The following CDH19 variants were observed in gnomAD, a reference collection of about 807,000 sequenced individuals.
CDH19 encodes cadherin 19, also known as cadherin-19.
A neutral mutation model predicts 64.2 loss-of-function variants in CDH19; 67 were observed. The ratio of observed to expected loss-of-function variants is 1.04; its 90% CI spans 0.86 to 1.28. CDH19 has a LOEUF of 1.28. CDH19 is among the 50% of genes most tolerant of loss of function. The pLI is 0.00. For missense variants in CDH19, 1,030 were observed against 929.0 expected (o/e 1.11, Z -1.41); for synonymous variants, 346 against 319.3 (o/e 1.08, Z -0.89).
At chr18:66,522,672 C>A (rs1313372381) in intron 9 of CDH19, among the ~76,000 whole-genome samples, 1 of 150,778 alleles carries the variant, frequency 6.6e-6, no homozygotes, top group Non-Finnish European at 1.5e-5. Context: ...ATTTTTTCTT[C>A]TTTTTGGTAT....
At chr18:66,524,542 G>GTGTGTATATATATA (rs74173408) in intron 9 of CDH19, among the ~76,000 whole-genome samples, 1 of 94,558 alleles carries the variant, frequency 1.1e-5, no homozygotes, top group East Asian at 3.0e-4. Flanking sequence ...ATGTTTGTGT[G>GTGTGTATATATATA]TATATATATA....
At chr18:66,537,158 T>A (rs1022634496) in intron 7 of CDH19, among the ~76,000 whole-genome samples, 1 of 151,924 alleles carries the variant, frequency 6.6e-6, no homozygotes, top group Non-Finnish European at 1.5e-5. Flanking sequence ...ATAGTTGGAT[T>A]TCACTGTTTT....
At chr18:66,524,667 A>C (rs1029417718) in intron 9 of CDH19, among the ~76,000 whole-genome samples, 2 of 151,696 alleles carry the variant, frequency 1.3e-5, no homozygotes, top group African/African-American at 4.8e-5. Flanking sequence ...AAGTGGAAAC[A>C]GTGAACTTTG....
At chr18:66,535,949 AAAAC>A (rs1205500772) in intron 7 of CDH19, among the ~76,000 whole-genome samples, 8 of 139,710 alleles carry the variant, frequency 5.7e-5, no homozygotes, top group Admixed American at 5.7e-4. Flanking sequence ...ACACACATAT[AAAAC>A]AAAAGTAAAA....
At chr18:66,592,809 C>T (rs1364846172) in intron 1 of CDH19, among the ~76,000 whole-genome samples, 1 of 151,630 alleles carries the variant, frequency 6.6e-6, no homozygotes, top group African/African-American at 2.4e-5. Flanking sequence ...TAGTTTTCTT[C>T]CATATATTGG....
At chr18:66,592,936 A>G (rs2144631511) in intron 1 of CDH19, among the ~76,000 whole-genome samples, 1 of 151,938 alleles carries the variant, frequency 6.6e-6, no homozygotes, top group East Asian at 1.9e-4. Context: ...TGAATCATAT[A>G]TTACTTCTAT....
intron 5 of CDH19, among the ~76,000 whole-genome samples, chr18:66,548,780 C>A (rs145794505): frequency 6.6e-6 from 1 of 152,184 alleles, no homozygotes; most frequent in Non-Finnish European, 1.5e-5. Context: ...TTAAATAAAT[C>A]TTCTCTAAAG....
intron 9 of CDH19, among the ~76,000 whole-genome samples, chr18:66,514,801 CAA>C (rs996628669): frequency 1.3e-5 from 2 of 151,278 alleles, no homozygotes; most frequent in Non-Finnish European, 1.5e-5. Flanking sequence ...TATCCTGAGC[CAA>C]AAATAAGCCC....
At chr18:66,509,590 T>C (rs1199335900) in intron 10 of CDH19, among the ~76,000 whole-genome samples, 1 of 151,798 alleles carries the variant, frequency 6.6e-6, no homozygotes, top group Non-Finnish European at 1.5e-5. Context: ...TTGACACATA[T>C]ATAAAACATA....
At chr18:66,545,786 C>T (rs473858) in intron 5 of CDH19, among the ~76,000 whole-genome samples, 95,077 of 151,848 alleles carry the variant, frequency 0.63, 30,888 homozygotes, top group African/African-American at 0.79. Context: ...TGCATTACAT[C>T]AGCCATCCTG....
At chr18:66,563,886 A>C (rs757499542) in intron 3 of CDH19, among the ~76,000 whole-genome samples, 51 of 152,032 alleles carry the variant, frequency 3.4e-4, no homozygotes, top group Non-Finnish European at 6.2e-4. Flanking sequence ...TGACACCTCT[A>C]CTTTTTATAA....
intron 1 of CDH19, among the ~76,000 whole-genome samples, chr18:66,578,940 A>C (rs1387952402): frequency 6.6e-6 from 1 of 151,988 alleles, no homozygotes; most frequent in Non-Finnish European, 1.5e-5. Context: ...TAAAACAATC[A>C]TAGTGACTGA....
rs2144582174 is a variant in CDH19, at chr18:66,572,216, T to G, written c.-12A>C. Reference sequence around the variant, plus strand: ...AAATAACAGTTCATTGCGTTGACTCTTTTGATTCCAACTATTACTCTTCAG... The same window carrying G: ...AAATAACAGTTCATTGCGTTGACTCGTTTGATTCCAACTATTACTCTTCAG... On this transcript the variant is annotated 5_prime_UTR_variant, in exon 2 of 12. Coordinates refer to ENST00000262150, the MANE Select transcript of CDH19 (RefSeq NM_021153.4). The G allele has an allele frequency of 6.2e-7, 1 of 1,601,630 alleles. No homozygotes were observed. The highest frequency in any genetic ancestry group is 1.1e-5 in the South Asian group (1 of 90,438).
intron 8 of CDH19, 37 bp downstream of exon 8, chr18:66,534,949 G>A (rs766315690): frequency 7.3e-7 from 1 of 1,373,432 alleles, no homozygotes; most frequent in African/African-American, 1.5e-5. Flanking sequence ...TACAAAATAT[G>A]GCAAACAACT....
In CDH19 at chr18:66,509,934, T is replaced by C. The variant is rs1340735538; in HGVS notation, c.1577-688A>G. On this transcript the variant is annotated intron_variant, in intron 10 of 11. Transcript: ENST00000262150. ...ATTCTGAAAATCATTACACTTAGAC[T>C]GATTCATTTACCTAGAGAGTCCATT... Among the ~76,000 whole-genome samples, 39 of 151,890 alleles carry C rather than the reference T, an allele frequency of 2.6e-4. 1 individual carries two copies. The highest frequency in any genetic ancestry group is 2.5e-3 in the Admixed American group (38 of 15,194).
chr18:66,568,150 C>A (rs1246114185), intron 3 of CDH19, among the ~76,000 whole-genome samples: 2 of 151,728 alleles, frequency 1.3e-5, no homozygotes, highest in African/African-American at 2.4e-5. Flanking sequence ...TGAACAAGGT[C>A]TAAAAACTTA....
intron 9 of CDH19, among the ~76,000 whole-genome samples, chr18:66,517,923 T>C (rs1985809598): frequency 6.6e-6 from 1 of 152,016 alleles, no homozygotes; most frequent in South Asian, 2.1e-4. Flanking sequence ...ATCATTTATT[T>C]GGAAGCACTG....
chr18:66,534,424 A>G (rs939935269), intron 8 of CDH19, among the ~76,000 whole-genome samples: 2 of 152,044 alleles, frequency 1.3e-5, no homozygotes, highest in Admixed American at 1.3e-4. Flanking sequence ...CAAAGAGTGA[A>G]GAAAGGAAAC....
intron 9 of CDH19, among the ~76,000 whole-genome samples, chr18:66,528,079 A>G (rs1436847613): frequency 1.3e-5 from 2 of 151,840 alleles, no homozygotes; most frequent in African/African-American, 4.8e-5. Context: ...TATAAAATTC[A>G]TCATTTCAAA....
Sources: allele counts gnomAD v4.1 joint callset (sites outside exome capture counted in the v4.1 genomes callset), GRCh38; gene constraint gnomAD v4.1.1; transcripts MANE v1.5; gene names NCBI Gene and HGNC (gene_info 2026-07-23, HGNC 2026-07-21).